ZNF385D: variants seen among roughly 807,000 people sequenced by gnomAD.
ZNF385D encodes the protein zinc finger protein 659.
In ZNF385D, 15 loss-of-function variants were observed where a neutral mutation model predicts 35.8. That is an observed-to-expected ratio of 0.42 (90% CI 0.28 to 0.64). ZNF385D has a LOEUF of 0.64. Among genes scored for constraint, ZNF385D ranks in the 30% least tolerant of loss-of-function variants. The probability of loss-of-function intolerance (pLI) is 0.23; values close to 1 mark genes in which losing one functional copy is unlikely to be tolerated. For synonymous variants in ZNF385D, 212 were observed against 186.8 expected, an observed-to-expected ratio of 1.13 and a Z score of -1.10; for missense variants, 474 against 494.6, an observed-to-expected ratio of 0.96 and a Z score of 0.39.
In ZNF385D at chr3:21,493,914, C is replaced by T. The variant is rs539860062; in HGVS notation, c.439+16947G>A. Among the ~76,000 whole-genome samples the T allele has an allele frequency of 1.1e-3, 171 of 152,272 alleles. 1 individual carries two copies. Among genetic ancestry groups the T allele is most frequent in the African/African-American group, 4.0e-3 (168 of 41,566 alleles). On this transcript the variant is annotated intron_variant, in intron 4 of 7. Coordinates refer to ENST00000281523, the MANE Select transcript of ZNF385D (RefSeq NM_024697.3). The stretch of plus-strand genomic sequence containing the variant: ...AATGTAGGTAATCTTGTATCTTTAG[C>T]TGATAATTCTGTATATTCATATTGA...
At chr3:21,720,621 G>A (rs944410460) in intron 1 of ZNF385D, among the ~76,000 whole-genome samples, 4 of 152,196 alleles carry the variant, frequency 2.6e-5, no homozygotes, top group Admixed American at 1.3e-4. Context: ...CTCTGGGAGT[G>A]AGGCCCAGCA....
chr3:21,572,660 C>T (rs1052234744), intron 2 of ZNF385D, among the ~76,000 whole-genome samples: 6 of 152,240 alleles, frequency 3.9e-5, no homozygotes, highest in South Asian at 4.1e-4. Flanking sequence ...AAATAAATCT[C>T]GTTAACCTGT....
In ZNF385D at chr3:21,499,443, A is replaced by G. The variant is rs1045047014; in HGVS notation, c.439+11418T>C. Among the ~76,000 whole-genome samples the G allele has an allele frequency of 1.3e-5, 2 of 152,130 alleles. 1 individual carries two copies. The highest frequency in any genetic ancestry group is 1.3e-4 in the Admixed American group (2 of 15,274). On this transcript the variant is annotated intron_variant, in intron 4 of 7. Transcript: ENST00000281523. Reference sequence around the variant, plus strand: ...AGCTAAATATTGATTACATATGAACACAAAGAAAGGAACAACAGACACCAG... The same window carrying G: ...AGCTAAATATTGATTACATATGAACGCAAAGAAAGGAACAACAGACACCAG...
At chr3:21,947,726 C>CT (rs1482937315) in intron 3 of ZNF385D, among the ~76,000 whole-genome samples, 2 of 152,202 alleles carry the variant, frequency 1.3e-5, no homozygotes, top group East Asian at 3.9e-4. Context: ...ATCCATCTAT[C>CT]TTTTTTCTAT....
chr3:21,985,595 C>T (rs1307097588), intron 3 of ZNF385D, among the ~76,000 whole-genome samples: 1 of 139,274 alleles, frequency 7.2e-6, no homozygotes, highest in Non-Finnish European at 1.5e-5. Flanking sequence ...ATTTTTGCAT[C>T]AATGTTCATC....
intron 3 of ZNF385D, among the ~76,000 whole-genome samples, chr3:21,965,000 C>T (rs570994263): frequency 3.9e-5 from 6 of 152,108 alleles, no homozygotes; most frequent in African/African-American, 9.7e-5. Flanking sequence ...CATTCAGTTA[C>T]ATTTGTATCT....
At chr3:22,091,557 C>T (rs1027308762) in intron 3 of ZNF385D, among the ~76,000 whole-genome samples, 1 of 151,456 alleles carries the variant, frequency 6.6e-6, no homozygotes. Context: ...ACATGAGTAG[C>T]CTGCCAGAGT....
At chr3:21,842,709 C>T (rs1292076315) in intron 3 of ZNF385D, among the ~76,000 whole-genome samples, 1 of 152,046 alleles carries the variant, frequency 6.6e-6, no homozygotes. Flanking sequence ...TGCAGTCAAT[C>T]CATCACCTTT....
At chr3:22,267,300 T>C (rs777085464) in intron 2 of ZNF385D, among the ~76,000 whole-genome samples, 17 of 152,024 alleles carry the variant, frequency 1.1e-4, no homozygotes, top group Non-Finnish European at 2.5e-4. Context: ...ATTCACAAAT[T>C]CCTTCCTTGT....
At chr3:21,846,113 T>C (rs75174950) in intron 3 of ZNF385D, among the ~76,000 whole-genome samples, 43 of 151,988 alleles carry the variant, frequency 2.8e-4, no homozygotes, top group African/African-American at 1.0e-3. Flanking sequence ...GGAAAAATAA[T>C]TGCAATTACA....
intron 2 of ZNF385D, among the ~76,000 whole-genome samples, chr3:22,280,742 A>G (rs1701695483): frequency 6.6e-6 from 1 of 152,046 alleles, no homozygotes; most frequent in Non-Finnish European, 1.5e-5. Context: ...TGCTTTAGCT[A>G]TGCAGGCACT....
At chr3:21,608,208 A>G (rs991796656) in intron 2 of ZNF385D, among the ~76,000 whole-genome samples, 2 of 151,498 alleles carry the variant, frequency 1.3e-5, no homozygotes, top group Admixed American at 6.6e-5. Flanking sequence ...ATGGAGTTTC[A>G]CCATGTTACC....
chr3:22,337,968 G>A (rs1448956278), intron 2 of ZNF385D, among the ~76,000 whole-genome samples: 1 of 152,106 alleles, frequency 6.6e-6, no homozygotes, highest in Non-Finnish European at 1.5e-5. Flanking sequence ...AAGACAGAAA[G>A]GACAAATTCT....
intron 3 of ZNF385D, among the ~76,000 whole-genome samples, chr3:22,050,401 A>C (rs781355360): frequency 1.3e-5 from 2 of 152,122 alleles, no homozygotes; most frequent in South Asian, 2.1e-4. Context: ...CCACCACCAC[A>C]ACAAGAAAAC....
chr3:21,504,377 G>A (rs911069050), intron 4 of ZNF385D, among the ~76,000 whole-genome samples: 12 of 152,074 alleles, frequency 7.9e-5, no homozygotes, highest in African/African-American at 1.4e-4. Context: ...AATGAGAACC[G>A]CTGTTCTTTC....
chr3:21,895,154 T>C (rs1221988135), intron 3 of ZNF385D, among the ~76,000 whole-genome samples: 6 of 151,902 alleles, frequency 3.9e-5, no homozygotes, highest in African/African-American at 1.2e-4. Context: ...GGTTGGTATA[T>C]ATGGAAAATG....
chr3:21,805,380 A>G (rs989758975), intron 3 of ZNF385D, among the ~76,000 whole-genome samples: 2 of 152,222 alleles, frequency 1.3e-5, no homozygotes, highest in African/African-American at 4.8e-5. Flanking sequence ...AGTTTTCACC[A>G]TGTGGACTCA....
intron 4 of ZNF385D, among the ~76,000 whole-genome samples, chr3:21,490,410 A>C (rs1475785491): frequency 6.6e-6 from 1 of 152,076 alleles, no homozygotes; most frequent in Non-Finnish European, 1.5e-5. Context: ...TTTAATTCCC[A>C]CCTCACGTGC....
intron 2 of ZNF385D, among the ~76,000 whole-genome samples, chr3:22,218,217 T>C (rs1254622634): frequency 6.6e-6 from 1 of 152,154 alleles, no homozygotes; most frequent in East Asian, 1.9e-4. Flanking sequence ...TTGAGTCTTC[T>C]TTAATTTTAT....
Sources: gnomAD v4.1 joint callset for allele counts (sites outside exome capture counted in the v4.1 genomes callset) on GRCh38, gnomAD v4.1.1 for gene constraint, MANE v1.5 for transcripts, NCBI Gene and HGNC (gene_info 2026-07-23, HGNC 2026-07-21) for gene names.